NUP210: variants seen among roughly 807,000 people sequenced by gnomAD.
NUP210 encodes the protein nucleoporin 210, also known as nuclear pore membrane glycoprotein 210.
In NUP210, 151 loss-of-function variants were observed where a neutral mutation model predicts 196.0. The ratio of observed to expected loss-of-function variants is 0.77; its 90% CI spans 0.67 to 0.88. NUP210 has a LOEUF of 0.88. NUP210 is among the 40% of genes least tolerant of loss of function. The pLI is 0.00. For synonymous variants in NUP210, 1,070 were observed against 1,052.7 expected, an observed-to-expected ratio of 1.02 and a Z score of -0.32; for missense variants, 2,314 against 2,493.7, an observed-to-expected ratio of 0.93 and a Z score of 1.53.
At chr3:13,419,292 C>T (rs1700453586) in intron 1 of NUP210, among the ~76,000 whole-genome samples, 1 of 152,204 alleles carries the variant, frequency 6.6e-6, no homozygotes, top group Admixed American at 6.5e-5. Context: ...TTGCCAGGGG[C>T]AGGAGCTCCA....
intron 2 of NUP210, among the ~76,000 whole-genome samples, chr3:13,399,220 C>T (rs997919659): frequency 2.8e-5 from 4 of 144,434 alleles, no homozygotes; most frequent in Non-Finnish European, 3.0e-5. Context: ...GAGCCAAGAT[C>T]GCGCCACTGC....
chr3:13,413,650 G>C (rs977445432), intron 1 of NUP210, among the ~76,000 whole-genome samples: 1 of 152,158 alleles, frequency 6.6e-6, no homozygotes, highest in Non-Finnish European at 1.5e-5. Context: ...AAACATCAAA[G>C]AGTACAATGA....
chr3:13,407,567 C>A (rs762454366), intron 1 of NUP210, among the ~76,000 whole-genome samples: 2 of 152,142 alleles, frequency 1.3e-5, no homozygotes, highest in Non-Finnish European at 2.9e-5. Context: ...AAAGCCCCTG[C>A]CTCCCACTCC....
chr3:13,402,844 C>T (rs1311364394), intron 1 of NUP210, among the ~76,000 whole-genome samples: 1 of 152,242 alleles, frequency 6.6e-6, no homozygotes, highest in Non-Finnish European at 1.5e-5. Flanking sequence ...ACACTTCCCT[C>T]AACATCCCCA....
At chr3:13,417,271 C>G (rs892307896) in intron 1 of NUP210, among the ~76,000 whole-genome samples, 1 of 152,172 alleles carries the variant, frequency 6.6e-6, no homozygotes, top group African/African-American at 2.4e-5. Flanking sequence ...GCTGTTTAAA[C>G]TAGGTGACCT....
intron 4 of NUP210, among the ~76,000 whole-genome samples, chr3:13,388,767 T>C (rs1699371422): frequency 6.6e-6 from 1 of 152,214 alleles, no homozygotes; most frequent in Non-Finnish European, 1.5e-5. Context: ...AGCTGCTGAG[T>C]CCACATGGGA....
intron 1 of NUP210, among the ~76,000 whole-genome samples, chr3:13,410,295 C>G (rs2124961086): frequency 6.6e-6 from 1 of 152,166 alleles, no homozygotes; most frequent in African/African-American, 2.4e-5. Context: ...ATTCTCCTGC[C>G]TCAGCCTCCC....
At chr3:13,373,692 G>C in intron 12 of NUP210, 26 bp downstream of exon 12, 2 of 1,612,444 alleles carry the variant, frequency 1.2e-6, no homozygotes, top group Non-Finnish European at 1.7e-6. Context: ...AGCCTCCCAG[G>C]GGGTGTCTTG....
chr3:13,347,117 G>C lies in NUP210; in HGVS notation c.2836-3814C>G. Reference sequence around the variant, plus strand: ...GAACAATGGCCCCATGACGGGCTGCGCCTCACAGGACCCAGGAGATGGAGA... The same window carrying C: ...GAACAATGGCCCCATGACGGGCTGCCCCTCACAGGACCCAGGAGATGGAGA... On this transcript the variant is annotated intron_variant, in intron 20 of 39. Transcript: ENST00000254508. The surrounding 1 kb of genome is among the most constrained non-coding windows in gnomAD (Gnocchi z 4.7). 1 of 985,410 alleles carries C rather than the reference G, an allele frequency of 1.0e-6. No individual in the cohort carries two copies. Among genetic ancestry groups the C allele is most frequent in the Non-Finnish European group, 1.2e-6 (1 of 829,926 alleles). The allele number at this position is 985,410 out of a possible 1,614,324, so 61.0% of individuals were successfully genotyped here. A position where few individuals can be genotyped will look rare whatever the true frequency, so the allele number is the denominator to read the frequency against.
intron 1 of NUP210, among the ~76,000 whole-genome samples, chr3:13,408,872 T>C (rs1559350072): frequency 1.3e-5 from 2 of 151,856 alleles, no homozygotes; most frequent in Non-Finnish European, 2.9e-5. Flanking sequence ...TAGGGCTGCA[T>C]ACTCTGCAAG....
Position 13,379,840 on chromosome 3 carries a change from C to T in NUP210, c.818-119G>A, listed in dbSNP as rs1274237639. On this transcript the variant is annotated intron_variant, in intron 6 of 39. Transcript: ENST00000254508. The surrounding 1 kb of genome is among the most constrained non-coding windows in gnomAD (Gnocchi z 4.2). ...TGCACTCTGCTCTCAGTACAGCTGA[C>T]GCATTTTCTTAATTGTTTTCAGTGC... 6 of 765,460 alleles carry T rather than the reference C, an allele frequency of 7.8e-6. No homozygotes were observed. The East Asian group carries it at 9.1e-5, about 12-fold the overall frequency. 47.4% of individuals were successfully genotyped at this position (765,460 alleles called of 1,614,324 possible). A position where few individuals can be genotyped will look rare whatever the true frequency, so the allele number is the denominator to read the frequency against.
intron 14 of NUP210, among the ~76,000 whole-genome samples, chr3:13,361,106 C>A (rs550982990): frequency 2.6e-5 from 4 of 152,328 alleles, no homozygotes; most frequent in Admixed American, 2.6e-4. Context: ...AAAGGAGATG[C>A]AGCCTGTGGT....
At position 13,328,906 on chromosome 3, in the gene NUP210, A is replaced by T. The variant is rs1696885623; in HGVS notation, c.4151T>A (p.Val1384Asp). 1.9e-6 allele frequency: 3 copies of T among 1,614,056 alleles called. No individual in the cohort carries two copies. In the East Asian group the frequency reaches 6.7e-5, roughly 36 times the overall value. Residue 1384 changes from valine (V) to aspartate (D), a missense_variant, in exon 31 of 40, where the codon GTC becomes GAC. By Grantham distance (152) the Val-to-Asp change is radical (BLOSUM62 -3). Transcript: ENST00000254508. ...VSYLRVSMSP[V>D]LHTQNKEALV... is the part of the protein sequence containing the mutation. ...GGCCTCCTTGTTCTGGGTGTGCAGGACAGGGCTCATGGAAACCCTCAGGTA... is the reference window on the plus strand; with the variant it reads ...GGCCTCCTTGTTCTGGGTGTGCAGGTCAGGGCTCATGGAAACCCTCAGGTA...
chr3:13,417,299 C>T (rs568048523), intron 1 of NUP210, among the ~76,000 whole-genome samples: 11 of 152,142 alleles, frequency 7.2e-5, no homozygotes, highest in South Asian at 4.2e-4. Context: ...TCCCCTGGCC[C>T]GAAAACTGTC....
chr3:13,371,988 C>A lies in NUP210; in HGVS notation c.1632G>T (p.Gln544His). The A allele has an allele frequency of 6.3e-7, 1 of 1,598,780 alleles. No individual in the cohort carries two copies. Among genetic ancestry groups the A allele is most frequent in the East Asian group, 2.3e-5 (1 of 44,248 alleles). Reference sequence around the variant, plus strand: ...GGGCCTGGCCCACACGTGCCTCCACCTGGCACGGGGCAAACTCCATGCTGT... The same window carrying A: ...GGGCCTGGCCCACACGTGCCTCCACATGGCACGGGGCAAACTCCATGCTGT... Reference protein sequence around the residue: ...EPHSMEFAPCQVEARVGQALE... With the variant: ...EPHSMEFAPCHVEARVGQALE... Residue 544 changes from glutamine to histidine, a missense_variant, in exon 13 of 40, where the codon CAG becomes CAT. Gln to His is a conservative substitution (Grantham distance 24). Transcript: ENST00000254508.
At chr3:13,412,252 G>A (rs566227620) in intron 1 of NUP210, among the ~76,000 whole-genome samples, 16 of 33,664 alleles carry the variant, frequency 4.8e-4, no homozygotes, top group African/African-American at 3.6e-3. Flanking sequence ...TTTTTTAGTA[G>A]AGACAGGGTT....
rs574507231 is a variant in NUP210 at position 13,362,435 on chromosome 3, C to A, written c.1933-1944G>T. Reference sequence around the variant, plus strand: ...TATCTATGAGGAAGGAAGCCCTCACCAGTCACCAAAATCTGCTGGTGCCTT... The same window carrying A: ...TATCTATGAGGAAGGAAGCCCTCACAAGTCACCAAAATCTGCTGGTGCCTT... On this transcript the variant is annotated intron_variant, in intron 14 of 39. Coordinates refer to ENST00000254508, the MANE Select transcript of NUP210 (RefSeq NM_024923.4). Among the ~76,000 whole-genome samples the A allele has an allele frequency of 2.6e-5, 4 of 152,250 alleles. No homozygotes were observed. The South Asian group carries it at 8.3e-4, about 32-fold the overall frequency.
intron 25 of NUP210, among the ~76,000 whole-genome samples, chr3:13,339,351 C>T (rs1697362731): frequency 1.3e-5 from 2 of 152,228 alleles, no homozygotes; most frequent in African/African-American, 4.8e-5. Context: ...TTGCATTACA[C>T]ATCACAGAAG....
chr3:13,373,741 G>A lies in NUP210; in HGVS notation c.1564C>T (p.Pro522Ser). The A allele has an allele frequency of 6.2e-7, 1 of 1,614,146 alleles. No homozygotes were observed. The highest frequency in any genetic ancestry group is 8.5e-7 in the Non-Finnish European group (1 of 1,180,006). ...ACCTTCATCTCACCGAAATGGAGTGGGTTCTGCACATCATGTGCCTGGATC... is the reference window on the plus strand; with the variant it reads ...ACCTTCATCTCACCGAAATGGAGTGAGTTCTGCACATCATGTGCCTGGATC... The part of the protein sequence containing the change: ...SVIQAHDVQN[P>S]LHFGEMKVYV... The change falls in exon 12 of 40, where the codon CCA becomes TCA. Residue 522 changes from proline to serine, a missense_variant. Pro to Ser is a moderately conservative substitution (Grantham distance 74). Coordinates refer to ENST00000254508, the MANE Select transcript of NUP210 (RefSeq NM_024923.4).
Sources: gnomAD v4.1 joint callset for allele counts (sites outside exome capture counted in the v4.1 genomes callset) on GRCh38, gnomAD v4.1.1 for gene constraint, Gnocchi (gnomAD v3.1) non-coding constraint, MANE v1.5 for transcripts, NCBI Gene and HGNC (gene_info 2026-07-23, HGNC 2026-07-21) for gene names.